ARFGEF3: variants seen among roughly 807,000 people sequenced by gnomAD.
The protein encoded by ARFGEF3 is ARFGEF family member 3, also known as brefeldin A-inhibited guanine nucleotide-exchange protein 3.
In ARFGEF3, 96 loss-of-function variants were observed where a neutral mutation model predicts 221.7. That is an observed-to-expected ratio of 0.43 (90% CI 0.37 to 0.51). ARFGEF3 has a LOEUF of 0.51. Among genes scored for constraint, ARFGEF3 ranks in the 20% least tolerant of loss-of-function variants. The probability of loss-of-function intolerance (pLI) is 0.00; values close to 1 mark genes in which losing one functional copy is unlikely to be tolerated. For synonymous variants in ARFGEF3, 1,145 were observed against 1,126.8 expected, an observed-to-expected ratio of 1.02 and a Z score of -0.32; for missense variants, 2,410 against 2,789.9, an observed-to-expected ratio of 0.86 and a Z score of 3.07.
chr6:138,267,433 AAATT>A (rs1301668408), intron 12 of ARFGEF3, among the ~76,000 whole-genome samples: 2 of 152,174 alleles, frequency 1.3e-5, no homozygotes, highest in Non-Finnish European at 2.9e-5. Context: ...AAAGAAAAAA[AAATT>A]AAAATTATCC....
chr6:138,286,969 A>G, intron 16 of ARFGEF3, 53 bp downstream of exon 16: 1 of 1,598,038 alleles, frequency 6.3e-7, no homozygotes, highest in Admixed American at 1.7e-5. Context: ...CTCACTGGGA[A>G]TGACCCAGCA....
chr6:138,204,332 C>G (rs923238923), intron 2 of ARFGEF3, among the ~76,000 whole-genome samples: 1 of 130,890 alleles, frequency 7.6e-6, no homozygotes, highest in African/African-American at 3.2e-5. Context: ...GAATGAAACT[C>G]CATCTCCAAA....
chr6:138,236,499 G>T (rs1778290555), intron 5 of ARFGEF3, among the ~76,000 whole-genome samples: 1 of 152,148 alleles, frequency 6.6e-6, no homozygotes, highest in Non-Finnish European at 1.5e-5. Flanking sequence ...CTTTCAGGGG[G>T]TAGGTAGGGT....
At chr6:138,229,249 G>T (rs1778148152) in intron 4 of ARFGEF3, among the ~76,000 whole-genome samples, 1 of 152,252 alleles carries the variant, frequency 6.6e-6, no homozygotes, top group Admixed American at 6.5e-5. Context: ...AAGAGGTGGA[G>T]ATGGCTTTGC....
At chr6:138,196,427 G>A (rs1777423913) in intron 2 of ARFGEF3, among the ~76,000 whole-genome samples, 1 of 152,216 alleles carries the variant, frequency 6.6e-6, no homozygotes, top group African/African-American at 2.4e-5. Flanking sequence ...AATGGAAAGT[G>A]TTTGTGTAAC....
intron 21 of ARFGEF3, among the ~76,000 whole-genome samples, chr6:138,297,935 C>A (rs879365600): frequency 3.3e-5 from 5 of 152,188 alleles, no homozygotes; most frequent in African/African-American, 1.2e-4. Flanking sequence ...ATAGGTCTCT[C>A]TTTTCATGGT....
At chr6:138,184,328 A>G (rs1054484154) in intron 2 of ARFGEF3, among the ~76,000 whole-genome samples, 7 of 152,196 alleles carry the variant, frequency 4.6e-5, no homozygotes, top group Non-Finnish European at 7.4e-5. Flanking sequence ...TGAAGATTAC[A>G]TAAGATGTAA....
At chr6:138,234,534 A>G (rs573533416) in intron 5 of ARFGEF3, among the ~76,000 whole-genome samples, 1 of 151,930 alleles carries the variant, frequency 6.6e-6, no homozygotes, top group Non-Finnish European at 1.5e-5. Context: ...CCATTTGATG[A>G]GATGCCTCTT....
At position 138,279,770 on chromosome 6, in the gene ARFGEF3, C is replaced by T. The variant is rs547049681; in HGVS notation, c.2296-229C>T. On this transcript the variant is annotated intron_variant, in intron 13 of 33. Coordinates refer to ENST00000251691, the MANE Select transcript of ARFGEF3 (RefSeq NM_020340.5). Reference sequence around the variant, plus strand: ...AGAGTAAGAATGTAAAGTGCAGTCTCTCTAATCCTTCTGCAAGGTATCTGT... The same window carrying T: ...AGAGTAAGAATGTAAAGTGCAGTCTTTCTAATCCTTCTGCAAGGTATCTGT... Among the ~76,000 whole-genome samples the T allele has an allele frequency of 7.9e-5, 12 of 152,296 alleles. 1 individual carries two copies. The South Asian group carries it at 8.3e-4, about 11-fold the overall frequency.
chr6:138,316,522 A>G (rs984808903), intron 26 of ARFGEF3, among the ~76,000 whole-genome samples: 3 of 152,200 alleles, frequency 2.0e-5, no homozygotes, highest in Non-Finnish European at 4.4e-5. Context: ...CTATCAATTT[A>G]TGGCTAATCT....
At chr6:138,301,190 A>C (rs564561177) in intron 22 of ARFGEF3, among the ~76,000 whole-genome samples, 3 of 152,344 alleles carry the variant, frequency 2.0e-5, no homozygotes, top group South Asian at 2.1e-4. Flanking sequence ...CGCAAAAATC[A>C]AGCATAAAAC....
In ARFGEF3 at chr6:138,265,239, A is replaced by G. The variant is rs561036598; in HGVS notation, c.2128+1628A>G. Among the ~76,000 whole-genome samples, 10 of 152,234 alleles carry G rather than the reference A, an allele frequency of 6.6e-5. No homozygotes were observed. In the South Asian group the frequency reaches 1.0e-3, roughly 16 times the overall value. On this transcript the variant is annotated intron_variant, in intron 12 of 33. Transcript: ENST00000251691. ...TAATAAGAGAATTATCCAAAGTTGTAGCAAGCACCAAAGGAGACACAGAAT... is the reference window on the plus strand; with the variant it reads ...TAATAAGAGAATTATCCAAAGTTGTGGCAAGCACCAAAGGAGACACAGAAT...
At position 138,286,028 on chromosome 6, in the gene ARFGEF3, G is replaced by C. The variant is rs575484780; in HGVS notation, c.2544G>C (p.Arg848Ser). 7.4e-5 allele frequency: 119 copies of C among 1,606,710 alleles called. No homozygotes were observed. In the South Asian group the frequency reaches 1.3e-3, roughly 17 times the overall value. ...AATESPFAQS[R>S]RIDDSTVAGV... ...CAGAGTCTCCTTTCGCCCAGAGCAG[G>C]AGAATTGATGACTCCACAGTGGCAG... The change falls in exon 15 of 34, where the codon AGG becomes AGC. Residue 848 changes from arginine (R) to serine (S), a missense_variant. Arg to Ser is a moderately radical substitution (Grantham distance 110, BLOSUM62 -1). Coordinates refer to ENST00000251691, the MANE Select transcript of ARFGEF3 (RefSeq NM_020340.5).
In ARFGEF3 at chr6:138,311,423, A is replaced by G; in HGVS notation, c.4113A>G (p.Lys1371=). Residue 1371 remains lysine (K), a synonymous_variant, in exon 25 of 34, where the codon AAA becomes AAG. Transcript: ENST00000251691. ...FVKGLGEVDC[K]EIGDCAPAPG... ...CGCCCCTAGGGGAGGTGGACTGTAAAGAGATTGGAGACTGTGCCCCAGCAC... is the reference window on the plus strand; with the variant it reads ...CGCCCCTAGGGGAGGTGGACTGTAAGGAGATTGGAGACTGTGCCCCAGCAC... 1.9e-6 allele frequency: 3 copies of G among 1,607,268 alleles called. No individual in the cohort carries two copies. Among genetic ancestry groups the G allele is most frequent in the African/African-American group, 1.3e-5 (1 of 74,932 alleles).
chr6:138,261,718 T>A, intron 11 of ARFGEF3, 79 bp downstream of exon 11: 2 of 699,180 alleles, frequency 2.9e-6, no homozygotes, highest in South Asian at 8.2e-5. Context: ...GTCCCTGAAA[T>A]TTTAAAAAAT....
intron 8 of ARFGEF3, among the ~76,000 whole-genome samples, chr6:138,249,337 A>T (rs973757045): frequency 6.6e-6 from 1 of 152,114 alleles, no homozygotes; most frequent in African/African-American, 2.4e-5. Context: ...TGTTATTATT[A>T]TTTTTATTTT....
intron 27 of ARFGEF3, 43 bp downstream of exon 27, chr6:138,317,422 T>G (rs763327822): frequency 1.2e-6 from 2 of 1,610,936 alleles, no homozygotes; most frequent in Admixed American, 1.7e-5. Flanking sequence ...TGGTTATACA[T>G]GTAACTCTTT....
chr6:138,321,973 T>C (rs911914529), intron 29 of ARFGEF3, among the ~76,000 whole-genome samples: 2 of 152,164 alleles, frequency 1.3e-5, no homozygotes, highest in Non-Finnish European at 1.5e-5. Context: ...TAATGGATGG[T>C]GGCAGGCAAA....
intron 12 of ARFGEF3, 35 bp downstream of exon 12, chr6:138,263,646 G>T (rs770268104): frequency 1.9e-6 from 3 of 1,540,618 alleles, no homozygotes; most frequent in Admixed American, 1.9e-5. Flanking sequence ...TAGTCAACAA[G>T]ATTATTCAGA....
Sources: allele counts gnomAD v4.1 joint callset (sites outside exome capture counted in the v4.1 genomes callset), GRCh38; gene constraint gnomAD v4.1.1; transcripts MANE v1.5; gene names NCBI Gene and HGNC (gene_info 2026-07-23, HGNC 2026-07-21).